The following PRKCA variants were observed in gnomAD, a reference collection of about 807,000 sequenced individuals.
PRKCA encodes the protein protein kinase C alpha type.
A neutral mutation model predicts 87.0 loss-of-function variants in PRKCA; 27 were observed. The ratio of observed to expected loss-of-function variants is 0.31; its 90% CI spans 0.23 to 0.43. PRKCA has a LOEUF of 0.43. Ranked by LOEUF, PRKCA falls within the 20% of genes least tolerant of loss-of-function variation. The pLI, the probability that PRKCA is intolerant of heterozygous loss-of-function variation, is 1.00. For missense variants in PRKCA, 518 were observed against 852.3 expected (o/e 0.61, Z 4.88); for synonymous variants, 329 against 311.1 (o/e 1.06, Z -0.61).
chr17:66,749,036 G>GGT (rs1325792545), intron 13 of PRKCA, among the ~76,000 whole-genome samples: 1 of 149,270 alleles, frequency 6.7e-6, no homozygotes, highest in Non-Finnish European at 1.5e-5. Flanking sequence ...CTCTGAATTG[G>GGT]AACCCCCTCC....
At chr17:66,575,979 T>C (rs1056246073) in intron 3 of PRKCA, among the ~76,000 whole-genome samples, 3 of 151,806 alleles carry the variant, frequency 2.0e-5, no homozygotes, top group African/African-American at 7.3e-5. Context: ...CCAGGTGTGG[T>C]GATGCATGCC....
intron 3 of PRKCA, among the ~76,000 whole-genome samples, chr17:66,505,311 C>T (rs1598727311): frequency 1.3e-5 from 2 of 152,062 alleles, no homozygotes; most frequent in Non-Finnish European, 2.9e-5. Flanking sequence ...TTCTCTTGAC[C>T]CACCAACCTC....
At chr17:66,797,117 G>A (rs1271704176) in intron 16 of PRKCA, among the ~76,000 whole-genome samples, 1 of 152,156 alleles carries the variant, frequency 6.6e-6, no homozygotes, top group South Asian at 2.1e-4. Flanking sequence ...AGACCAACAC[G>A]TGTATTGCTC....
intron 3 of PRKCA, among the ~76,000 whole-genome samples, chr17:66,498,889 A>C (rs1916599697): frequency 6.6e-6 from 1 of 152,206 alleles, no homozygotes; most frequent in South Asian, 2.1e-4. Context: ...TAACAAACAG[A>C]AAGCTGGGAG....
At chr17:66,510,765 A>C (rs1468751153) in intron 3 of PRKCA, among the ~76,000 whole-genome samples, 1 of 151,682 alleles carries the variant, frequency 6.6e-6, no homozygotes, top group Non-Finnish European at 1.5e-5. Flanking sequence ...TTTTTTTTTG[A>C]GATGGGGTCT....
At chr17:66,802,857 T>A (rs1975931848) in intron 16 of PRKCA, among the ~76,000 whole-genome samples, 1 of 152,332 alleles carries the variant, frequency 6.6e-6, no homozygotes, top group East Asian at 1.9e-4. Context: ...TAATTCATAT[T>A]GGCCCTGTGG....
Position 66,412,831 on chromosome 17 carries a change from T to C in PRKCA, c.206-83370T>C, listed in dbSNP as rs2014575046. On this transcript the variant is annotated intron_variant, in intron 2 of 16. Transcript: ENST00000413366. ...TCCAGATCACTTCCTCCATGGTCTC[T>C]AAAACGTGAGGATTTCTCCACACCA... The C allele has an allele frequency of 2.0e-5, 3 of 152,240 alleles. No individual in the cohort carries two copies. In the South Asian group the frequency reaches 6.2e-4, roughly 32 times the overall value. The allele number at this position is 152,240 out of a possible 1,614,324, so 9.4% of individuals were successfully genotyped here.
At chr17:66,320,388 TAAA>T (rs67339544) in intron 2 of PRKCA, among the ~76,000 whole-genome samples, 3 of 141,918 alleles carry the variant, frequency 2.1e-5, no homozygotes, top group African/African-American at 7.7e-5. Flanking sequence ...TTTTTTTTTT[TAAA>T]AAAAGAAAGC....
intron 3 of PRKCA, among the ~76,000 whole-genome samples, chr17:66,557,685 C>T (rs1209233995): frequency 1.3e-5 from 2 of 152,072 alleles, no homozygotes; most frequent in Non-Finnish European, 2.9e-5. Context: ...TATAGTAGAG[C>T]CCACAAAGGT....
intron 8 of PRKCA, among the ~76,000 whole-genome samples, chr17:66,721,439 A>ACC (rs1162272846): frequency 6.6e-6 from 1 of 151,402 alleles, no homozygotes; most frequent in Non-Finnish European, 1.5e-5. Context: ...AGGCAGAGCA[A>ACC]CCCCCAAGAG....
In PRKCA at chr17:66,805,269, A is replaced by T. The variant is rs763932122; in HGVS notation, c.*1232A>T. ...GGATTTTAATACGTTTTGCAAATGC[A>T]TCATGCAATGAATTTTGCATGTTTA... On this transcript the variant is annotated 3_prime_UTR_variant, in exon 17 of 17. Transcript: ENST00000413366. 4.6e-6 allele frequency: 2 copies of T among 435,494 alleles called. No homozygotes were observed. The highest frequency in any genetic ancestry group is 6.1e-6 in the Non-Finnish European group (2 of 327,438). 27.0% of individuals were successfully genotyped at this position (435,494 alleles called of 1,614,324 possible). A position where few individuals can be genotyped will look rare whatever the true frequency, so the allele number is the denominator to read the frequency against.
chr17:66,609,745 A>G (rs1256269113), intron 3 of PRKCA, among the ~76,000 whole-genome samples: 2 of 152,308 alleles, frequency 1.3e-5, no homozygotes, highest in African/African-American at 2.4e-5. Context: ...AGGAATGATC[A>G]CTGGGGCTAC....
chr17:66,530,100 T>A (rs933504972), intron 3 of PRKCA, among the ~76,000 whole-genome samples: 1 of 152,214 alleles, frequency 6.6e-6, no homozygotes, highest in African/African-American at 2.4e-5. Flanking sequence ...TCCTGCCCCA[T>A]GTTCAGTGTT....
intron 8 of PRKCA, among the ~76,000 whole-genome samples, chr17:66,723,838 G>C (rs1040253677): frequency 1.3e-5 from 2 of 152,162 alleles, no homozygotes; most frequent in African/African-American, 4.8e-5. Context: ...CATTTGTCCA[G>C]AGTCACACAG....
intron 5 of PRKCA, among the ~76,000 whole-genome samples, chr17:66,653,137 T>A (rs531706078): frequency 6.6e-6 from 1 of 152,378 alleles, no homozygotes; most frequent in South Asian, 2.1e-4. Context: ...TTCTGGGAAC[T>A]GTACACTTAC....
intron 3 of PRKCA, among the ~76,000 whole-genome samples, chr17:66,542,807 T>C (rs948350560): frequency 1.7e-4 from 26 of 152,244 alleles, no homozygotes; most frequent in African/African-American, 6.3e-4. Context: ...TTTGTTTTAC[T>C]GGATTCAAAT....
At chr17:66,323,507 A>G (rs531626345) in intron 2 of PRKCA, among the ~76,000 whole-genome samples, 4 of 152,344 alleles carry the variant, frequency 2.6e-5, no homozygotes, top group African/African-American at 9.6e-5. Context: ...ACTGAGTGCT[A>G]CTTGTGGAAA....
chr17:66,621,819 A>C (rs561667673), intron 3 of PRKCA, among the ~76,000 whole-genome samples: 112 of 152,304 alleles, frequency 7.4e-4, no homozygotes, highest in African/African-American at 2.7e-3. Context: ...TGTCAAAATA[A>C]TCTGATCCTC....
intron 2 of PRKCA, among the ~76,000 whole-genome samples, chr17:66,374,120 C>G (rs1048202663): frequency 1.3e-5 from 2 of 152,090 alleles, no homozygotes; most frequent in Non-Finnish European, 2.9e-5. Flanking sequence ...GGAGGGAGGG[C>G]TCTGAAGCAC....
Sources: gnomAD v4.1 joint callset for allele counts (sites outside exome capture counted in the v4.1 genomes callset) on GRCh38, gnomAD v4.1.1 for gene constraint, MANE v1.5 for transcripts, NCBI Gene and HGNC (gene_info 2026-07-23, HGNC 2026-07-21) for gene names.